The following PTPRD variants were observed in gnomAD, a reference collection of about 807,000 sequenced individuals.
The protein encoded by PTPRD is protein tyrosine phosphatase receptor type D.
A neutral mutation model predicts 214.5 loss-of-function variants in PTPRD; 34 were observed. The observed-to-expected ratio is 0.16, with a 90% CI of 0.12 to 0.21. PTPRD has a LOEUF of 0.21. PTPRD is among the 10% of genes least tolerant of loss of function. The pLI, the probability that PTPRD is intolerant of heterozygous loss-of-function variation, is 1.00. For missense variants in PTPRD, 2,545 were observed against 2,398.7 expected, an observed-to-expected ratio of 1.06 and a Z score of -1.27; for synonymous variants, 1,128 against 845.7, an observed-to-expected ratio of 1.33 and a Z score of -5.79.
At chr9:8,827,131 T>A (rs1436602377) in intron 11 of PTPRD, among the ~76,000 whole-genome samples, 1 of 151,734 alleles carries the variant, frequency 6.6e-6, no homozygotes. Flanking sequence ...ACACTTCTGA[T>A]AAAATATTAT....
intron 7 of PTPRD, among the ~76,000 whole-genome samples, chr9:9,706,952 C>A (rs755716181): frequency 6.6e-6 from 1 of 152,020 alleles, no homozygotes; most frequent in Non-Finnish European, 1.5e-5. Context: ...CATTTGGCCC[C>A]ACTAAAATAA....
chr9:9,113,627 C>T (rs2099809232), intron 10 of PTPRD, among the ~76,000 whole-genome samples: 2 of 152,096 alleles, frequency 1.3e-5, no homozygotes, highest in Non-Finnish European at 2.9e-5. Flanking sequence ...GTTAGTTAAA[C>T]AGGCTTCTGT....
intron 8 of PTPRD, among the ~76,000 whole-genome samples, chr9:9,458,197 G>A (rs72704642): frequency 0.045 from 6,866 of 151,792 alleles, 194 homozygotes; most frequent in Middle Eastern, 0.15. Context: ...TACGATTAGT[G>A]GTAAAGTACC....
At chr9:8,622,578 T>C (rs747074207) in intron 14 of PTPRD, among the ~76,000 whole-genome samples, 1 of 151,970 alleles carries the variant, frequency 6.6e-6, no homozygotes, top group Non-Finnish European at 1.5e-5. Context: ...AGATTGTAGC[T>C]TCCTTGAAGG....
At chr9:8,653,247 C>A (rs985399484) in intron 12 of PTPRD, among the ~76,000 whole-genome samples, 4 of 152,070 alleles carry the variant, frequency 2.6e-5, no homozygotes, top group Non-Finnish European at 5.9e-5. Context: ...TACTCCAATT[C>A]GCTACATAAA....
At chr9:9,684,979 G>A (rs1014385651) in intron 7 of PTPRD, among the ~76,000 whole-genome samples, 3 of 151,406 alleles carry the variant, frequency 2.0e-5, no homozygotes, top group South Asian at 2.1e-4. Flanking sequence ...ATCTTATTTC[G>A]GTTGATAGCC....
At chr9:9,555,727 A>C (rs953555510) in intron 8 of PTPRD, among the ~76,000 whole-genome samples, 2 of 152,170 alleles carry the variant, frequency 1.3e-5, no homozygotes, top group Non-Finnish European at 2.9e-5. Context: ...CTGAATATAC[A>C]GATAAAACTA....
intron 2 of PTPRD, among the ~76,000 whole-genome samples, chr9:10,415,731 C>T (rs1315706100): frequency 6.6e-6 from 1 of 151,750 alleles, no homozygotes; most frequent in Non-Finnish European, 1.5e-5. Context: ...CTTAATTCCC[C>T]CAATTCTTTG....
intron 10 of PTPRD, among the ~76,000 whole-genome samples, chr9:9,084,082 T>C (rs529848012): frequency 4.1e-4 from 63 of 152,328 alleles, no homozygotes; most frequent in South Asian, 3.5e-3. Context: ...TAAATCATTC[T>C]ACTATAAAGA....
chr9:9,083,882 T>C (rs1197208632), intron 10 of PTPRD, among the ~76,000 whole-genome samples: 1 of 152,106 alleles, frequency 6.6e-6, no homozygotes, highest in African/African-American at 2.4e-5. Context: ...AGAATGGTGA[T>C]CATTAAAAAG....
chr9:9,560,887 T>C (rs1420275468), intron 8 of PTPRD, among the ~76,000 whole-genome samples: 4 of 152,110 alleles, frequency 2.6e-5, no homozygotes, highest in Non-Finnish European at 4.4e-5. Flanking sequence ...CTTGCCTTCA[T>C]GGTCAGTAGC....
intron 2 of PTPRD, among the ~76,000 whole-genome samples, chr9:10,341,294 C>A (rs1191665321): frequency 6.6e-6 from 1 of 151,702 alleles, no homozygotes; most frequent in African/African-American, 2.4e-5. Context: ...AACGCTAGGC[C>A]ACTATAGTCA....
rs577416329 is a variant in PTPRD at position 10,361,056 on chromosome 9, G to C, written c.-599-20039C>G. Among the ~76,000 whole-genome samples the C allele has an allele frequency of 5.6e-4, 85 of 152,218 alleles. 3 individuals are homozygous for C. Among genetic ancestry groups the C allele is most frequent in the Admixed American group, 4.7e-3 (72 of 15,292 alleles). On this transcript the variant is annotated intron_variant, in intron 2 of 45. Coordinates refer to ENST00000381196, the MANE Select transcript of PTPRD (RefSeq NM_002839.4). ...GGCGGAGCTTGTAGTGAGCCGAGAT[G>C]GAGCCACTGCACTCCAGCCTGGGCG... is the stretch of plus-strand genomic sequence containing the variant.
chr9:8,746,817 G>C (rs1356463559), intron 11 of PTPRD, among the ~76,000 whole-genome samples: 1 of 148,904 alleles, frequency 6.7e-6, no homozygotes, highest in Non-Finnish European at 1.5e-5. Context: ...AACATAACAA[G>C]ACCCCATCTC....
chr9:9,034,187 C>A (rs1304317671), intron 10 of PTPRD, among the ~76,000 whole-genome samples: 1 of 152,140 alleles, frequency 6.6e-6, no homozygotes, highest in Non-Finnish European at 1.5e-5. Context: ...TTTACTCTGG[C>A]TTTTCTTCTG....
At chr9:9,928,385 C>A (rs1602485736) in intron 5 of PTPRD, among the ~76,000 whole-genome samples, 2 of 152,128 alleles carry the variant, frequency 1.3e-5, no homozygotes, top group South Asian at 4.1e-4. Flanking sequence ...TTGTCCAGAA[C>A]TGAATTCCCT....
At chr9:9,252,431 C>G (rs1439726254) in intron 9 of PTPRD, among the ~76,000 whole-genome samples, 1 of 152,004 alleles carries the variant, frequency 6.6e-6, no homozygotes, top group Non-Finnish European at 1.5e-5. Flanking sequence ...TTGTCTCCCC[C>G]ATACTTTCTT....
intron 10 of PTPRD, among the ~76,000 whole-genome samples, chr9:9,058,708 C>G (rs10977461): frequency 0.1 from 15,664 of 151,676 alleles, 1,168 homozygotes; most frequent in African/African-American, 0.21. Flanking sequence ...CTCGGCCTCC[C>G]AAAGTGCTGG....
At chr9:8,625,397 T>C (rs1227080785) in intron 14 of PTPRD, among the ~76,000 whole-genome samples, 1 of 151,802 alleles carries the variant, frequency 6.6e-6, no homozygotes, top group African/African-American at 2.4e-5. Context: ...ATTAAACAAA[T>C]ACATAAACAA....
Sources: gnomAD v4.1 joint callset for allele counts (sites outside exome capture counted in the v4.1 genomes callset) on GRCh38, gnomAD v4.1.1 for gene constraint, MANE v1.5 for transcripts, NCBI Gene and HGNC (gene_info 2026-07-23, HGNC 2026-07-21) for gene names.